Variants in CYTIP observed in about 807,000 individuals in gnomAD.
CYTIP encodes cytohesin-interacting protein.
A neutral mutation model predicts 43.8 loss-of-function variants in CYTIP; 26 were observed. That is an observed-to-expected ratio of 0.59 (90% CI 0.44 to 0.82). The LOEUF (loss-of-function observed/expected upper bound fraction) is 0.82, where lower values mean the gene tolerates loss of function less well. CYTIP is among the 40% of genes least tolerant of loss of function. The probability of loss-of-function intolerance (pLI) is 0.00; values close to 1 mark genes in which losing one functional copy is unlikely to be tolerated. For missense variants in CYTIP, 426 were observed against 443.1 expected, an observed-to-expected ratio of 0.96 and a Z score of 0.35; for synonymous variants, 162 against 162.9, an observed-to-expected ratio of 0.99 and a Z score of 0.04.
intron 1 of CYTIP, among the ~76,000 whole-genome samples, chr2:157,436,990 G>A (rs531961309): frequency 2.6e-5 from 4 of 152,098 alleles, no homozygotes; most frequent in Middle Eastern, 3.4e-3. Context: ...AAAGAAAACA[G>A]ACAACTGTAT....
chr2:157,423,046 GA>G (rs1432665316), intron 6 of CYTIP, among the ~76,000 whole-genome samples: 1 of 152,072 alleles, frequency 6.6e-6, no homozygotes, highest in African/African-American at 2.4e-5. Context: ...GAGTGGTGTA[GA>G]AGGTATATTC....
intron 3 of CYTIP, among the ~76,000 whole-genome samples, chr2:157,433,073 A>C (rs1463054052): frequency 6.6e-6 from 1 of 152,202 alleles, no homozygotes; most frequent in East Asian, 1.9e-4. Flanking sequence ...TAGTGACATT[A>C]TTATGGCAGT....
chr2:157,436,402 T>C (rs1412553787), intron 1 of CYTIP, among the ~76,000 whole-genome samples: 1 of 152,190 alleles, frequency 6.6e-6, no homozygotes, highest in Non-Finnish European at 1.5e-5. Flanking sequence ...TCTTAATCTA[T>C]TTTTATTATC....
chr2:157,433,850 A>T (rs985978333), intron 3 of CYTIP, among the ~76,000 whole-genome samples: 2 of 152,218 alleles, frequency 1.3e-5, no homozygotes, highest in Admixed American at 6.5e-5. Flanking sequence ...TAGGAAAAAA[A>T]GCTACAAATT....
At chr2:157,430,207 CTACAGGAT>C (rs1451964821) in intron 5 of CYTIP, among the ~76,000 whole-genome samples, 1 of 152,026 alleles carries the variant, frequency 6.6e-6, no homozygotes, top group Non-Finnish European at 1.5e-5. Context: ...TTTGTTTTAG[CTACAGGAT>C]TATATCAACC....
At chr2:157,438,276 G>A (rs1685845405) in intron 1 of CYTIP, among the ~76,000 whole-genome samples, 1 of 152,156 alleles carries the variant, frequency 6.6e-6, no homozygotes, top group Non-Finnish European at 1.5e-5. Flanking sequence ...GCCAGGAATA[G>A]AAAGTTAAAC....
At chr2:157,416,437 G>C (rs1259385527) in intron 7 of CYTIP, among the ~76,000 whole-genome samples, 13 of 152,122 alleles carry the variant, frequency 8.5e-5, no homozygotes, top group Non-Finnish European at 1.9e-4. Context: ...CCAATTGACA[G>C]TCTACCAGTG....
At chr2:157,424,689 C>T (rs1685576753) in intron 6 of CYTIP, among the ~76,000 whole-genome samples, 1 of 151,838 alleles carries the variant, frequency 6.6e-6, no homozygotes, top group South Asian at 2.1e-4. Flanking sequence ...GACCCTGTCT[C>T]CAAAAATAGA....
intron 4 of CYTIP, 35 bp from the exon 5 acceptor site, chr2:157,430,687 G>A: frequency 6.3e-7 from 1 of 1,586,216 alleles, no homozygotes; most frequent in Non-Finnish European, 8.7e-7. Context: ...TGTTATGTTG[G>A]TTAGTTAAAT....
intron 5 of CYTIP, among the ~76,000 whole-genome samples, chr2:157,429,643 A>T (rs553970261): frequency 3.3e-4 from 51 of 152,302 alleles, no homozygotes; most frequent in African/African-American, 1.1e-3. Context: ...TCATCATTTA[A>T]CTATCCTAAT....
chr2:157,424,728 CCAA>C (rs1274903750), intron 6 of CYTIP, among the ~76,000 whole-genome samples: 1 of 152,054 alleles, frequency 6.6e-6, no homozygotes, highest in Non-Finnish European at 1.5e-5. Context: ...AATCAAAACA[CCAA>C]CATTTATTTA....
intron 6 of CYTIP, among the ~76,000 whole-genome samples, chr2:157,423,556 A>C (rs1340344934): frequency 6.6e-6 from 1 of 151,930 alleles, no homozygotes; most frequent in Non-Finnish European, 1.5e-5. Context: ...AAGAATCCTA[A>C]AACAAAATGA....
At chr2:157,436,558 T>G (rs998326435) in intron 1 of CYTIP, among the ~76,000 whole-genome samples, 2 of 151,990 alleles carry the variant, frequency 1.3e-5, no homozygotes, top group African/African-American at 2.4e-5. Context: ...TTCATCATAT[T>G]ATTCATATAT....
At position 157,423,181 on chromosome 2, in the gene CYTIP, G is replaced by A. The variant is rs537032573; in HGVS notation, c.546+4170C>T. 5.2e-4 allele frequency among the ~76,000 whole-genome samples: 79 copies of A among 151,992 alleles called. 1 individual carries two copies. The highest frequency in any genetic ancestry group is 1.8e-3 in the African/African-American group (76 of 41,494). ...GAACTAATTGCATTGTAGTAAAACC[G>A]TAGATCAATAAGGACAAAAGAATAT... is the stretch of plus-strand genomic sequence containing the variant. On this transcript the variant is annotated intron_variant, in intron 6 of 7. Coordinates refer to ENST00000264192, the MANE Select transcript of CYTIP (RefSeq NM_004288.5).
intron 2 of CYTIP, 24 bp downstream of exon 2, chr2:157,434,674 C>T: frequency 1.9e-6 from 3 of 1,575,182 alleles, no homozygotes; most frequent in South Asian, 1.1e-5. Context: ...TTGGGAGAGA[C>T]AAAAAATAAT....
rs897008996 is a variant in CYTIP, at chr2:157,415,818, C to T, written c.939G>A (p.Met313Ile). ...ATAAGTTGCCCTCCCACAAGGGAGA[C>T]ATGGATCCGCTGCTGGTGTTACTGA... ...RSISNTSSGS[M>I]SPLWEGNLSS... The change falls in exon 8 of 8, where the codon ATG (methionine) becomes ATA (isoleucine). Residue 313 changes from methionine to isoleucine, a missense_variant. By Grantham distance (10) the Met-to-Ile change is conservative (BLOSUM62 1). Coordinates refer to ENST00000264192, the MANE Select transcript of CYTIP (RefSeq NM_004288.5). 7.4e-6 allele frequency: 12 copies of T among 1,614,212 alleles called. No homozygotes were observed. Among genetic ancestry groups the T allele is most frequent in the Non-Finnish European group, 1.0e-5 (12 of 1,180,032 alleles).
chr2:157,432,284 T>C (rs1350813922), intron 3 of CYTIP, among the ~76,000 whole-genome samples: 1 of 152,180 alleles, frequency 6.6e-6, no homozygotes, highest in African/African-American at 2.4e-5. Context: ...ACATTGGGTG[T>C]AAAATATGGT....
chr2:157,419,704 A>C (rs529693743), intron 6 of CYTIP, among the ~76,000 whole-genome samples: 4 of 152,254 alleles, frequency 2.6e-5, no homozygotes, highest in Non-Finnish European at 4.4e-5. Flanking sequence ...AAGACAGCCT[A>C]GTTGAAACAA....
At chr2:157,443,716 T>C (rs904184800) in intron 1 of CYTIP, 131 bp downstream of exon 1, 22 of 988,756 alleles carry the variant, frequency 2.2e-5, no homozygotes, top group Admixed American at 2.8e-5. Context: ...TCTCACCTCC[T>C]TCACCCATAA....
Sources: allele counts gnomAD v4.1 joint callset (sites outside exome capture counted in the v4.1 genomes callset), GRCh38; gene constraint gnomAD v4.1.1; transcripts MANE v1.5; gene names NCBI Gene and HGNC (gene_info 2026-07-23, HGNC 2026-07-21).